The following DCC variants were observed in gnomAD, a reference collection of about 807,000 sequenced individuals.
DCC encodes the protein DCC netrin 1 receptor.
DCC carries 58 observed loss-of-function variants against 172.5 expected under a neutral mutation model. That is an observed-to-expected ratio of 0.34 (90% confidence interval 0.27 to 0.42). DCC has a LOEUF of 0.42. DCC is among the 10% of genes least tolerant of loss of function. The pLI, the probability that DCC is intolerant of heterozygous loss-of-function variation, is 1.00. For missense variants in DCC, 1,740 were observed against 1,791.0 expected, an observed-to-expected ratio of 0.97 and a Z score of 0.51; for synonymous variants, 709 against 644.5, an observed-to-expected ratio of 1.10 and a Z score of -1.52.
intron 1 of DCC, among the ~76,000 whole-genome samples, chr18:52,358,726 G>T (rs1422502183): frequency 1.3e-5 from 2 of 152,152 alleles, no homozygotes; most frequent in South Asian, 2.1e-4. Flanking sequence ...AGTCCTAAGA[G>T]CTATGTCATA....
rs148375172 is a variant in DCC at position 52,686,536 on chromosome 18, C to A, written c.92-65518C>A. Among the ~76,000 whole-genome samples, 7 of 152,250 alleles carry A rather than the reference C, an allele frequency of 4.6e-5. No homozygotes were observed. The South Asian group carries it at 1.4e-3, about 32-fold the overall frequency. ...GTTACCCCTACTTTGTCAGCCCACA[C>A]TTCCCAAAACAGTGTCCAAAACCCA... On this transcript the variant is annotated intron_variant, in intron 1 of 28. Transcript: ENST00000442544.
At chr18:53,405,488 AG>A (rs1331025813) in intron 19 of DCC, among the ~76,000 whole-genome samples, 1 of 152,224 alleles carries the variant, frequency 6.6e-6, no homozygotes, top group Non-Finnish European at 1.5e-5. Context: ...CCTGATACCC[AG>A]TGGGCACTGA....
At chr18:53,100,494 A>G (rs1188941977) in intron 7 of DCC, among the ~76,000 whole-genome samples, 2 of 152,102 alleles carry the variant, frequency 1.3e-5, no homozygotes, top group African/African-American at 4.8e-5. Flanking sequence ...GAAAAGAGAG[A>G]GACAGAAAAA....
At chr18:53,483,400 T>TA (rs2045861295) in intron 25 of DCC, among the ~76,000 whole-genome samples, 1 of 151,884 alleles carries the variant, frequency 6.6e-6, no homozygotes, top group Admixed American at 6.6e-5. Flanking sequence ...TGTTACACAT[T>TA]AAATACCTGT....
In DCC at chr18:52,344,465, G is replaced by A. The variant is rs1475263209; in HGVS notation, c.91+3587G>A. ...AAAAGCATCTTTAATGAGAGGAAAT[G>A]TTTCTCGCTTCCAGTTTCATACATC... On this transcript the variant is annotated intron_variant, in intron 1 of 28. Coordinates refer to ENST00000442544, the MANE Select transcript of DCC (RefSeq NM_005215.4). Among the ~76,000 whole-genome samples the A allele has an allele frequency of 8.5e-5, 13 of 152,108 alleles. No individual in the cohort carries two copies. The East Asian group carries it at 2.1e-3, about 25-fold the overall frequency.
intron 12 of DCC, among the ~76,000 whole-genome samples, chr18:53,273,585 A>G (rs1243346098): frequency 2.0e-5 from 3 of 152,152 alleles, no homozygotes; most frequent in Non-Finnish European, 2.9e-5. Flanking sequence ...ATTAAATTTC[A>G]TGAGTGTTGC....
chr18:52,462,895 C>T (rs531083272), intron 1 of DCC, among the ~76,000 whole-genome samples: 4 of 152,268 alleles, frequency 2.6e-5, no homozygotes, highest in East Asian at 1.9e-4. Context: ...TCTCCAATCT[C>T]TCCTGGCCAT....
chr18:52,480,756 A>G (rs1353643315), intron 1 of DCC, among the ~76,000 whole-genome samples: 2 of 152,138 alleles, frequency 1.3e-5, no homozygotes, highest in African/African-American at 4.8e-5. Context: ...ATAGTTTTTG[A>G]AGCTGCAATA....
chr18:52,988,349 A>C (rs971025186), intron 5 of DCC, among the ~76,000 whole-genome samples: 4 of 152,134 alleles, frequency 2.6e-5, no homozygotes, highest in Admixed American at 6.5e-5. Flanking sequence ...AGACCTTTCT[A>C]TTTTATACTG....
At chr18:52,386,563 G>A (rs955572379) in intron 1 of DCC, among the ~76,000 whole-genome samples, 1 of 151,946 alleles carries the variant, frequency 6.6e-6, no homozygotes, top group Non-Finnish European at 1.5e-5. Flanking sequence ...AATTAACCAA[G>A]CTAATTATCT....
At chr18:52,499,072 G>T (rs2144622515) in intron 1 of DCC, among the ~76,000 whole-genome samples, 1 of 152,252 alleles carries the variant, frequency 6.6e-6, no homozygotes, top group East Asian at 1.9e-4. Context: ...ACTGTTAACT[G>T]CCTGTCATCT....
rs1320747725 is a variant in DCC at position 53,477,519 on chromosome 18, T to A, written c.3737-9278T>A. 2.6e-5 allele frequency among the ~76,000 whole-genome samples: 4 copies of A among 152,204 alleles called. No homozygotes were observed. The South Asian group carries it at 8.3e-4, about 32-fold the overall frequency. On this transcript the variant is annotated intron_variant, in intron 25 of 28. Transcript: ENST00000442544. ...CTTGTATAAACTAAAGCCATAGCATTGTTCAGATTTCTAGTCACATATATA... is the reference window on the plus strand; with the variant it reads ...CTTGTATAAACTAAAGCCATAGCATAGTTCAGATTTCTAGTCACATATATA...
intron 9 of DCC, among the ~76,000 whole-genome samples, chr18:53,195,386 G>A (rs1324399126): frequency 2.6e-5 from 4 of 152,128 alleles, no homozygotes; most frequent in African/African-American, 7.2e-5. Context: ...TCTCATGAAA[G>A]AGACTACATT....
rs185824951 is a variant in DCC, at chr18:53,015,422, A to G, written c.986-47883A>G. 4.1e-4 allele frequency among the ~76,000 whole-genome samples: 62 copies of G among 152,212 alleles called. 1 individual carries two copies. The highest frequency in any genetic ancestry group is 3.4e-3 in the Middle Eastern group (1 of 294). On this transcript the variant is annotated intron_variant, in intron 5 of 28. Transcript: ENST00000442544. ...GCAATTTTAGATTTCCTCTAGCTCA[A>G]GTTTATTGAACACTTTGTTTCTGAT...
intron 15 of DCC, among the ~76,000 whole-genome samples, chr18:53,353,989 AC>A (rs984900665): frequency 4.0e-5 from 6 of 151,890 alleles, no homozygotes; most frequent in African/African-American, 1.5e-4. Context: ...TTCAATTCCC[AC>A]CTATGAGTGA....
chr18:53,157,078 AT>A (rs1455327073), intron 7 of DCC, among the ~76,000 whole-genome samples: 3 of 152,072 alleles, frequency 2.0e-5, no homozygotes, highest in Non-Finnish European at 4.4e-5. Flanking sequence ...CTGAGCAGAC[AT>A]TTTTTTCCCT....
chr18:52,817,826 A>C (rs77222199), intron 2 of DCC, among the ~76,000 whole-genome samples: 17,075 of 151,950 alleles, frequency 0.11, 1,041 homozygotes, highest in South Asian at 0.2. Flanking sequence ...TGTATAATTT[A>C]TGTGAATACA....
At chr18:52,775,960 C>G (rs921837039) in intron 2 of DCC, among the ~76,000 whole-genome samples, 4 of 152,222 alleles carry the variant, frequency 2.6e-5, no homozygotes, top group Admixed American at 2.6e-4. Flanking sequence ...CCCAGCACTC[C>G]TGTATCACTG....
At chr18:52,864,870 A>T (rs4939708) in intron 2 of DCC, among the ~76,000 whole-genome samples, 127,422 of 148,138 alleles carry the variant, frequency 0.86, 55,885 homozygotes, top group Middle Eastern at 0.95. Context: ...TCCTTTTTTT[A>T]TTTTATTTTT....
Sources: gnomAD v4.1 joint callset for allele counts (sites outside exome capture counted in the v4.1 genomes callset) on GRCh38, gnomAD v4.1.1 for gene constraint, MANE v1.5 for transcripts, NCBI Gene and HGNC (gene_info 2026-07-23, HGNC 2026-07-21) for gene names.